CADPS: variants seen among roughly 807,000 people sequenced by gnomAD.
CADPS encodes calcium-dependent secretion activator 1.
Under a neutral mutation model 167.3 loss-of-function variants are expected in CADPS, and 57 were observed. That is an observed-to-expected ratio of 0.34 (90% confidence interval 0.28 to 0.42). The LOEUF (loss-of-function observed/expected upper bound fraction) is 0.42, where lower values mean the gene tolerates loss of function less well. Ranked by LOEUF, CADPS falls within the 20% of genes least tolerant of loss-of-function variation. The pLI, the probability that CADPS is intolerant of heterozygous loss-of-function variation, is 1.00. For missense variants in CADPS, 1,414 were observed against 1,738.1 expected (o/e 0.81, Z 3.32); for synonymous variants, 676 against 635.3 (o/e 1.06, Z -0.96).
chr3:62,483,633 G>A (rs1297427426), intron 21 of CADPS, among the ~76,000 whole-genome samples: 6 of 151,982 alleles, frequency 3.9e-5, no homozygotes. Flanking sequence ...GGAACTAAAG[G>A]GTGCTCTTGT....
In CADPS at chr3:62,843,079, T is replaced by C. The variant is rs182320313; in HGVS notation, c.441+31510A>G. 1.3e-4 allele frequency among the ~76,000 whole-genome samples: 20 copies of C among 152,018 alleles called. No individual in the cohort carries two copies. The East Asian group carries it at 3.9e-3, about 30-fold the overall frequency. ...CAAGCTCTGGTATAATTTTTTTTCATGTATGTTTCACTGGATAATTAACTT... is the reference window on the plus strand; with the variant it reads ...CAAGCTCTGGTATAATTTTTTTTCACGTATGTTTCACTGGATAATTAACTT... On this transcript the variant is annotated intron_variant, in intron 1 of 29. Coordinates refer to ENST00000383710, the MANE Select transcript of CADPS (RefSeq NM_003716.4).
At chr3:62,515,082 C>G (rs2068667779) in intron 16 of CADPS, among the ~76,000 whole-genome samples, 1 of 152,056 alleles carries the variant, frequency 6.6e-6, no homozygotes, top group African/African-American at 2.4e-5. Context: ...ACCTAATTCT[C>G]TAAGGAAACA....
In CADPS at chr3:62,719,706, G is replaced by A. The variant is rs192510195; in HGVS notation, c.888+33735C>T. ...ATACATCCTGAAAAATGTAGCCATT[G>A]CCTAAGGAAAGGCTCATCCTACCAT... On this transcript the variant is annotated intron_variant, in intron 3 of 29. Coordinates refer to ENST00000383710, the MANE Select transcript of CADPS (RefSeq NM_003716.4). Among the ~76,000 whole-genome samples, 370 of 152,322 alleles carry A rather than the reference G, an allele frequency of 2.4e-3. 4 individuals carry two copies. The highest frequency in any genetic ancestry group is 8.6e-3 in the African/African-American group (357 of 41,564).
chr3:62,874,625 G>T lies in CADPS; in HGVS notation c.405C>A (p.Ala135=), dbSNP rs369016576. The T allele has an allele frequency of 2.2e-5, 34 of 1,559,930 alleles. No individual in the cohort carries two copies. The highest frequency in any genetic ancestry group is 2.9e-5 in the Non-Finnish European group (33 of 1,151,242). Residue 135 remains alanine, a synonymous_variant, in exon 1 of 30, where the codon GCC becomes GCA. Coordinates refer to ENST00000383710, the MANE Select transcript of CADPS (RefSeq NM_003716.4). The surrounding 1 kb of genome is among the most constrained non-coding windows in gnomAD (Gnocchi z 7.1). ...GGCGAGCCATGTCGGTGGGCTGCTT[G>T]GCATTAAAGGGGTAGGCGATGCAGC... ...VMRCIAYPFN[A]KQPTDMARRQ... is the part of the protein sequence containing the mutation.
intron 13 of CADPS, among the ~76,000 whole-genome samples, chr3:62,519,268 T>C (rs957626748): frequency 6.6e-6 from 1 of 152,140 alleles, no homozygotes; most frequent in African/African-American, 2.4e-5. Flanking sequence ...ATGCAAGTCA[T>C]CTTGAGACCA....
At chr3:62,555,117 C>A (rs941983200) in intron 10 of CADPS, among the ~76,000 whole-genome samples, 5 of 152,140 alleles carry the variant, frequency 3.3e-5, no homozygotes, top group Admixed American at 6.5e-5. Context: ...ATTTAAGTCT[C>A]CGTTTTCAAT....
At chr3:62,475,609 A>AG (rs1449991907) in intron 23 of CADPS, among the ~76,000 whole-genome samples, 1 of 150,730 alleles carries the variant, frequency 6.6e-6, no homozygotes, top group African/African-American at 2.4e-5. Flanking sequence ...AAAAAAAAAA[A>AG]AAACACCTAA....
chr3:62,685,644 C>A (rs933898450), intron 3 of CADPS, among the ~76,000 whole-genome samples: 1 of 139,186 alleles, frequency 7.2e-6, no homozygotes, highest in African/African-American at 2.8e-5. Flanking sequence ...ACATTTTTGG[C>A]ACCAGGGACC....
At chr3:62,838,957 G>T (rs1202150619) in intron 1 of CADPS, among the ~76,000 whole-genome samples, 2 of 152,274 alleles carry the variant, frequency 1.3e-5, no homozygotes, top group East Asian at 3.9e-4. Flanking sequence ...TAAAGATAAA[G>T]GTGAATAAGA....
rs989733670 is a variant in CADPS, at chr3:62,458,301, G to T, written c.3636+7066C>A. Among the ~76,000 whole-genome samples, 1 of 152,042 alleles carries T rather than the reference G, an allele frequency of 6.6e-6. No homozygotes were observed. The highest frequency in any genetic ancestry group is 2.4e-5 in the African/African-American group (1 of 41,402). On this transcript the variant is annotated intron_variant, in intron 26 of 29. Coordinates refer to ENST00000383710, the MANE Select transcript of CADPS (RefSeq NM_003716.4). The surrounding 1 kb of genome is among the most constrained non-coding windows in gnomAD (Gnocchi z 4.6). ...GATGAAGAAACCAAGGCTCAGAAAC[G>T]GTCAATAGCCTGCCTACGTTTCTGT...
intron 3 of CADPS, among the ~76,000 whole-genome samples, chr3:62,716,897 A>G (rs915376036): frequency 2.0e-5 from 3 of 152,208 alleles, no homozygotes; most frequent in Admixed American, 2.0e-4. Flanking sequence ...GATTCTCCAA[A>G]TGTTAATGGT....
At chr3:62,811,488 C>T (rs1658648979) in intron 1 of CADPS, among the ~76,000 whole-genome samples, 1 of 152,124 alleles carries the variant, frequency 6.6e-6, no homozygotes, top group African/African-American at 2.4e-5. Context: ...GCAAACCTAC[C>T]ATTTGTAGAT....
intron 6 of CADPS, among the ~76,000 whole-genome samples, chr3:62,599,711 A>T (rs1442400696): frequency 2.4e-5 from 1 of 41,372 alleles, no homozygotes; most frequent in African/African-American, 1.3e-4. Context: ...TATATTATAT[A>T]ATATATAATA....
intron 3 of CADPS, among the ~76,000 whole-genome samples, chr3:62,685,880 T>C (rs892326248): frequency 1.3e-5 from 2 of 152,122 alleles, no homozygotes; most frequent in East Asian, 1.9e-4. Context: ...CAGTAATGCC[T>C]GGTACCTGAC....
chr3:62,837,188 G>C (rs530484751), intron 1 of CADPS, among the ~76,000 whole-genome samples: 1 of 152,196 alleles, frequency 6.6e-6, no homozygotes, highest in Non-Finnish European at 1.5e-5. Flanking sequence ...TTGTTAAGGT[G>C]ATGTTTGTAT....
Position 62,547,599 on chromosome 3 carries a change from C to CCT in CADPS, c.1966+2303_1966+2304insAG, listed in dbSNP as rs1491241966. On this transcript the variant is annotated intron_variant, in intron 11 of 29. Transcript: ENST00000383710. Reference sequence around the variant, plus strand: ...GATATCATTTACGCCCCCCCCCCCCCGCAAATTCTAACTCTTAGGAGTTTG... The same window carrying CCT: ...GATATCATTTACGCCCCCCCCCCCCCCTGCAAATTCTAACTCTTAGGAGTTTG... 3.4e-4 allele frequency among the ~76,000 whole-genome samples: 39 copies of CCT among 113,328 alleles called. 1 individual carries two copies. The highest frequency in any genetic ancestry group is 1.6e-3 in the African/African-American group (38 of 24,186). The allele number at this position is 113,328 out of a possible 152,430, so 74.3% of individuals were successfully genotyped here.
At chr3:62,842,777 C>T (rs570360687) in intron 1 of CADPS, among the ~76,000 whole-genome samples, 1 of 152,178 alleles carries the variant, frequency 6.6e-6, no homozygotes, top group Non-Finnish European at 1.5e-5. Context: ...TTAGAATGCA[C>T]TGCCCCTATC....
chr3:62,672,777 G>A (rs1277042962), intron 3 of CADPS, among the ~76,000 whole-genome samples: 12 of 152,010 alleles, frequency 7.9e-5, no homozygotes, highest in Non-Finnish European at 2.9e-5. Flanking sequence ...GCATCATCAT[G>A]CCCAGCTGAT....
chr3:62,596,588 G>A (rs2058978665), intron 6 of CADPS, among the ~76,000 whole-genome samples: 1 of 152,044 alleles, frequency 6.6e-6, no homozygotes. Context: ...ATCATTTTTT[G>A]TATGTGTTGG....
Sources: allele counts gnomAD v4.1 joint callset (sites outside exome capture counted in the v4.1 genomes callset), GRCh38; gene constraint gnomAD v4.1.1; non-coding constraint Gnocchi (gnomAD v3.1); transcripts MANE v1.5; gene names NCBI Gene and HGNC (gene_info 2026-07-23, HGNC 2026-07-21).